RIMBP2: variants seen among roughly 807,000 people sequenced by gnomAD.
RIMBP2 encodes RIMS-binding protein 2.
Under a neutral mutation model 118.6 loss-of-function variants are expected in RIMBP2, and 48 were observed. The observed-to-expected ratio is 0.40, with a 90% CI of 0.32 to 0.51. RIMBP2 has a LOEUF of 0.51. Among genes scored for constraint, RIMBP2 ranks in the 20% least tolerant of loss-of-function variants. The pLI is 0.41. For synonymous variants in RIMBP2, 762 were observed against 742.9 expected (o/e 1.03, Z -0.42); for missense variants, 1,551 against 1,768.3 (o/e 0.88, Z 2.20).
Position 130,449,264 on chromosome 12 carries a change from G to A in RIMBP2, c.581+936C>T, listed in dbSNP as rs150515989. On this transcript the variant is annotated intron_variant, in intron 9 of 22. Coordinates refer to ENST00000690449, the MANE Select transcript of RIMBP2 (RefSeq NM_001393629.1). ...CTGGCTGATGAATTCCCAAGTGTCCGCCCATGGGCAGAGTTGGCTGCAGCT... is the reference window on the plus strand; with the variant it reads ...CTGGCTGATGAATTCCCAAGTGTCCACCCATGGGCAGAGTTGGCTGCAGCT... Among the ~76,000 whole-genome samples, 782 of 152,348 alleles carry A rather than the reference G, an allele frequency of 5.1e-3. 4 individuals are homozygous for A. Among genetic ancestry groups the A allele is most frequent in the Non-Finnish European group, 8.8e-3 (597 of 68,022 alleles).
intron 2 of RIMBP2, among the ~76,000 whole-genome samples, chr12:130,627,554 G>A (rs969650471): frequency 4.6e-5 from 7 of 152,122 alleles, no homozygotes; most frequent in African/African-American, 1.2e-4. Flanking sequence ...GGTGTCAGTC[G>A]GGTAACTCAA....
chr12:130,530,897 G>A (rs901572447), intron 2 of RIMBP2, among the ~76,000 whole-genome samples: 3 of 152,110 alleles, frequency 2.0e-5, no homozygotes, highest in African/African-American at 7.2e-5. Context: ...CTGCAAGCTG[G>A]TCCATGGTGC....
Position 130,577,418 on chromosome 12 carries a change from G to C in RIMBP2, c.-217+50904C>G, listed in dbSNP as rs1407105128. On this transcript the variant is annotated intron_variant, in intron 2 of 22. Transcript: ENST00000690449. ...GTTTAAGGGACTCACAGTTCCACAT[G>C]GCTGGGGAGGCCTCAGGAAACTTAC... Among the ~76,000 whole-genome samples, 4 of 152,262 alleles carry C rather than the reference G, an allele frequency of 2.6e-5. No homozygotes were observed. In the East Asian group the frequency reaches 7.7e-4, roughly 29 times the overall value.
At chr12:130,611,557 G>A (rs916764875) in intron 2 of RIMBP2, among the ~76,000 whole-genome samples, 9 of 152,190 alleles carry the variant, frequency 5.9e-5, no homozygotes, top group African/African-American at 9.6e-5. Context: ...TGCTGGCGGC[G>A]ACGCGTCTCC....
At chr12:130,451,746 AC>A (rs2079029530) in intron 7 of RIMBP2, among the ~76,000 whole-genome samples, 1 of 151,578 alleles carries the variant, frequency 6.6e-6, no homozygotes, top group Non-Finnish European at 1.5e-5. Flanking sequence ...TCACAGCGAG[AC>A]CGAGAGAAAG....
intron 14 of RIMBP2, among the ~76,000 whole-genome samples, chr12:130,433,405 T>C (rs2077283350): frequency 6.6e-6 from 1 of 152,198 alleles, no homozygotes; most frequent in African/African-American, 2.4e-5. Context: ...TGAATGCATA[T>C]GGTTCTGTGT....
intron 2 of RIMBP2, among the ~76,000 whole-genome samples, chr12:130,577,615 G>A (rs968060305): frequency 6.6e-6 from 1 of 152,174 alleles, no homozygotes; most frequent in Non-Finnish European, 1.5e-5. Flanking sequence ...CCTCCCACCA[G>A]GTCCCTCCCT....
At chr12:130,668,821 T>C (rs12579250) in intron 1 of RIMBP2, among the ~76,000 whole-genome samples, 2,003 of 152,260 alleles carry the variant, frequency 0.013, 27 homozygotes, top group East Asian at 0.062. Context: ...ATGCCCTGGC[T>C]CCCCAGATGG....
rs145734891 is a variant in RIMBP2 at position 130,657,466 on chromosome 12, G to C, written c.-351-29010C>G. Among the ~76,000 whole-genome samples, 615 of 152,358 alleles carry C rather than the reference G, an allele frequency of 4.0e-3. 5 individuals are homozygous for C. The highest frequency in any genetic ancestry group is 0.014 in the African/African-American group (592 of 41,586). ...CGGGAGGAGAAAGAAAAAGTTCTAAGTTCAGACGAGGTCAGATGTGGTTTG... is the reference window on the plus strand; with the variant it reads ...CGGGAGGAGAAAGAAAAAGTTCTAACTTCAGACGAGGTCAGATGTGGTTTG... On this transcript the variant is annotated intron_variant, in intron 1 of 22. Coordinates refer to ENST00000690449, the MANE Select transcript of RIMBP2 (RefSeq NM_001393629.1).
intron 1 of RIMBP2, among the ~76,000 whole-genome samples, chr12:130,695,816 G>A (rs1460792917): frequency 6.6e-6 from 1 of 151,986 alleles, no homozygotes; most frequent in Admixed American, 6.6e-5. Context: ...GGGAAGAAGA[G>A]GTTAGGTATG....
chr12:130,479,844 A>C (rs1005139860), intron 4 of RIMBP2, among the ~76,000 whole-genome samples: 8 of 151,414 alleles, frequency 5.3e-5, no homozygotes, highest in African/African-American at 9.7e-5. Flanking sequence ...TCCTGCTTGG[A>C]GGGGCGGTGC....
rs2052408834 is a variant in RIMBP2 at position 130,523,541 on chromosome 12, C to A, written c.-216-5624G>T. ...AAACTGGGTCTTCTGAAGACACCCC[C>A]TTCCCCATCAGGAGCTCCAGTTAAA... On this transcript the variant is annotated intron_variant, in intron 2 of 22. Transcript: ENST00000690449. This position sits in a 1 kb window ranked among gnomAD's most constrained non-coding sequence, Gnocchi z 4.4. 6.6e-6 allele frequency among the ~76,000 whole-genome samples: 1 copy of A among 152,240 alleles called. No homozygotes were observed. Among genetic ancestry groups the A allele is most frequent in the Non-Finnish European group, 1.5e-5 (1 of 68,040 alleles).
At chr12:130,646,296 TCTC>T in intron 1 of RIMBP2, among the ~76,000 whole-genome samples, 1 of 108,032 alleles carries the variant, frequency 9.3e-6, no homozygotes, top group Admixed American at 9.0e-5. Flanking sequence ...ACCACCTGCC[TCTC>T]CACCTCCCTC....
At chr12:130,559,233 C>T (rs2056618432) in intron 2 of RIMBP2, among the ~76,000 whole-genome samples, 2 of 152,094 alleles carry the variant, frequency 1.3e-5, no homozygotes, top group Non-Finnish European at 2.9e-5. Context: ...CCTATAGGCA[C>T]CATGTTGCAC....
intron 1 of RIMBP2, among the ~76,000 whole-genome samples, chr12:130,642,652 A>G (rs906390649): frequency 6.6e-6 from 1 of 152,234 alleles, no homozygotes; most frequent in African/African-American, 2.4e-5. Flanking sequence ...GACAACCCAC[A>G]TCGACTAACA....
At chr12:130,473,175 A>C (rs1162999344) in intron 5 of RIMBP2, among the ~76,000 whole-genome samples, 1 of 152,248 alleles carries the variant, frequency 6.6e-6, no homozygotes, top group Non-Finnish European at 1.5e-5. Flanking sequence ...GCAGGTGCAA[A>C]CTGGGCCATT....
intron 2 of RIMBP2, among the ~76,000 whole-genome samples, chr12:130,572,332 A>T (rs768653028): frequency 6.6e-6 from 1 of 152,184 alleles, no homozygotes; most frequent in East Asian, 1.9e-4. Context: ...ATGCACTCAC[A>T]GTAACCCCAA....
intron 2 of RIMBP2, among the ~76,000 whole-genome samples, chr12:130,545,978 T>C (rs1321452617): frequency 6.6e-6 from 1 of 152,104 alleles, no homozygotes; most frequent in Non-Finnish European, 1.5e-5. Context: ...TTAACACAGC[T>C]TGGGTAAAGA....
chr12:130,664,023 GTTT>G (rs78720470), intron 1 of RIMBP2, among the ~76,000 whole-genome samples: 1 of 150,428 alleles, frequency 6.6e-6, no homozygotes, highest in Non-Finnish European at 1.5e-5. Context: ...TATATTGTGG[GTTT>G]TTTTTAAAAA....
Sources: allele counts gnomAD v4.1 joint callset (sites outside exome capture counted in the v4.1 genomes callset), GRCh38; gene constraint gnomAD v4.1.1; non-coding constraint Gnocchi (gnomAD v3.1); transcripts MANE v1.5; gene names NCBI Gene and HGNC (gene_info 2026-07-23, HGNC 2026-07-21).